OSBPL3: variants seen among roughly 807,000 people sequenced by gnomAD.
The protein encoded by OSBPL3 is oxysterol binding protein like 3.
A neutral mutation model predicts 120.1 loss-of-function variants in OSBPL3; 65 were observed. The observed-to-expected ratio is 0.54, with a 90% CI of 0.44 to 0.67. The LOEUF (loss-of-function observed/expected upper bound fraction) is 0.67, where lower values mean the gene tolerates loss of function less well. Ranked by LOEUF, OSBPL3 falls within the 30% of genes least tolerant of loss-of-function variation. OSBPL3 has a pLI of 0.00. For synonymous variants in OSBPL3, 416 were observed against 402.6 expected, an observed-to-expected ratio of 1.03 and a Z score of -0.40; for missense variants, 1,004 against 1,082.1, an observed-to-expected ratio of 0.93 and a Z score of 1.01.
rs1387374429 is a variant in OSBPL3, at chr7:24,883,186, G to T, written c.96+9191C>A. Among the ~76,000 whole-genome samples the T allele has an allele frequency of 6.6e-6, 1 of 152,182 alleles. No homozygotes were observed. Among genetic ancestry groups the T allele is most frequent in the African/African-American group, 2.4e-5 (1 of 41,438 alleles). On this transcript the variant is annotated intron_variant, in intron 2 of 22. Coordinates refer to ENST00000313367, the MANE Select transcript of OSBPL3 (RefSeq NM_015550.4). This position sits in a 1 kb window ranked among gnomAD's most constrained non-coding sequence, Gnocchi z 5.4. ...GATTCATCTGAAGTAGGAACAGAGA[G>T]GAGGTGATTTAGGGTGATGTGGGCT...
At chr7:24,962,030 C>A (rs1815803722) in intron 1 of OSBPL3, among the ~76,000 whole-genome samples, 1 of 152,142 alleles carries the variant, frequency 6.6e-6, no homozygotes, top group South Asian at 2.1e-4. Flanking sequence ...AAGAGACATT[C>A]AGTGGCTCAC....
At chr7:24,944,672 T>A (rs1373438020) in intron 1 of OSBPL3, among the ~76,000 whole-genome samples, 1 of 151,872 alleles carries the variant, frequency 6.6e-6, no homozygotes, top group East Asian at 1.9e-4. Context: ...AAAATCTCAA[T>A]AAACCAAATT....
At chr7:24,870,682 T>C (rs1388854562) in intron 5 of OSBPL3, 50 bp downstream of exon 5, 2 of 1,131,598 alleles carry the variant, frequency 1.8e-6, no homozygotes, top group Non-Finnish European at 2.7e-6. Flanking sequence ...TAATAACTGA[T>C]GATACTTCCC....
At chr7:24,887,440 A>T (rs1047611764) in intron 2 of OSBPL3, among the ~76,000 whole-genome samples, 1 of 152,264 alleles carries the variant, frequency 6.6e-6, no homozygotes, top group Non-Finnish European at 1.5e-5. Context: ...AAGTAAAAGC[A>T]GCTCATCCGT....
At chr7:24,969,115 C>T (rs756090852) in intron 1 of OSBPL3, among the ~76,000 whole-genome samples, 12 of 152,208 alleles carry the variant, frequency 7.9e-5, no homozygotes, top group Non-Finnish European at 1.2e-4. Flanking sequence ...TTTCCATCCA[C>T]GATGTATGAA....
At position 24,877,547 on chromosome 7, in the gene OSBPL3, G is replaced by A. The variant is rs1226795940; in HGVS notation, c.97-5478C>T. On this transcript the variant is annotated intron_variant, in intron 2 of 22. Transcript: ENST00000313367. This position sits in a 1 kb window ranked among gnomAD's most constrained non-coding sequence, Gnocchi z 4.8. ...TGGGTTCCGTGAGGACAGGGACTGT[G>A]TCTTATTTATTACAATCCTACTACC... 6.6e-6 allele frequency among the ~76,000 whole-genome samples: 1 copy of A among 152,118 alleles called. No individual in the cohort carries two copies.
Position 24,863,699 on chromosome 7 carries a change from G to A in OSBPL3, c.674-100C>T. On this transcript the variant is annotated intron_variant, in intron 7 of 22. Coordinates refer to ENST00000313367, the MANE Select transcript of OSBPL3 (RefSeq NM_015550.4). This position sits in a 1 kb window ranked among gnomAD's most constrained non-coding sequence, Gnocchi z 5.8. Reference sequence around the variant, plus strand: ...TACTTTTCCTTATTTATCTGTAGTTGATTTTTTTTTTCATCTGTAAGGGTT... The same window carrying A: ...TACTTTTCCTTATTTATCTGTAGTTAATTTTTTTTTTCATCTGTAAGGGTT... The A allele has an allele frequency of 3.9e-6, 3 of 771,180 alleles. No individual in the cohort carries two copies. Among genetic ancestry groups the A allele is most frequent in the South Asian group, 1.7e-5 (1 of 59,766 alleles). 47.8% of individuals were successfully genotyped at this position (771,180 alleles called of 1,614,324 possible).
Position 24,883,803 on chromosome 7 carries a change from A to G in OSBPL3, c.96+8574T>C, listed in dbSNP as rs2128315959. ...GAACAAAGAAGTCCTGACAACTCAAATATGTCATTTGAGCTGATACTTTAA... is the reference window on the plus strand; with the variant it reads ...GAACAAAGAAGTCCTGACAACTCAAGTATGTCATTTGAGCTGATACTTTAA... On this transcript the variant is annotated intron_variant, in intron 2 of 22. Coordinates refer to ENST00000313367, the MANE Select transcript of OSBPL3 (RefSeq NM_015550.4). This position sits in a 1 kb window ranked among gnomAD's most constrained non-coding sequence, Gnocchi z 5.4. Among the ~76,000 whole-genome samples the G allele has an allele frequency of 1.3e-5, 2 of 152,280 alleles. No homozygotes were observed. The highest frequency in any genetic ancestry group is 4.1e-4 in the South Asian group (2 of 4,822).
rs900684193 is a variant in OSBPL3 at position 24,863,959 on chromosome 7, T to A, written c.674-360A>T. On this transcript the variant is annotated intron_variant, in intron 7 of 22. Transcript: ENST00000313367. The surrounding 1 kb of genome is among the most constrained non-coding windows in gnomAD (Gnocchi z 5.8). ...TGATATTGCACAGTTCTTAGAAGAG[T>A]GTTTGGCACAGAGTAAGAACTAAAT... Among the ~76,000 whole-genome samples, 1 of 152,096 alleles carries A rather than the reference T, an allele frequency of 6.6e-6. No homozygotes were observed. Among genetic ancestry groups the A allele is most frequent in the Non-Finnish European group, 1.5e-5 (1 of 68,018 alleles).
Position 24,854,128 on chromosome 7 carries a change from C to T in OSBPL3, c.1028-1494G>A, listed in dbSNP as rs1403117106. On this transcript the variant is annotated intron_variant, in intron 10 of 22. Transcript: ENST00000313367. This position sits in a 1 kb window ranked among gnomAD's most constrained non-coding sequence, Gnocchi z 4.1. Reference sequence around the variant, plus strand: ...TGATCACATCATGTACAAATTACTTCCTAGGGATGAGGAAGCTGTTATCTA... The same window carrying T: ...TGATCACATCATGTACAAATTACTTTCTAGGGATGAGGAAGCTGTTATCTA... Among the ~76,000 whole-genome samples the T allele has an allele frequency of 1.3e-5, 2 of 151,890 alleles. No individual in the cohort carries two copies. The highest frequency in any genetic ancestry group is 4.8e-5 in the African/African-American group (2 of 41,336).
intron 2 of OSBPL3, among the ~76,000 whole-genome samples, chr7:24,884,985 T>C (rs79714312): frequency 0.035 from 5,320 of 152,014 alleles, 119 homozygotes; most frequent in Non-Finnish European, 0.054. Context: ...CATTATGAAA[T>C]TGAAAGAAAT....
At chr7:24,921,682 C>T (rs777142850) in intron 1 of OSBPL3, among the ~76,000 whole-genome samples, 24 of 152,190 alleles carry the variant, frequency 1.6e-4, no homozygotes, top group Non-Finnish European at 2.4e-4. Flanking sequence ...CATTGGGAAT[C>T]CCATCCTACT....
rs1472655984 is a variant in OSBPL3, at chr7:24,922,066, T to C, written c.-149-29445A>G. Among the ~76,000 whole-genome samples the C allele has an allele frequency of 6.6e-6, 1 of 152,252 alleles. No individual in the cohort carries two copies. The highest frequency in any genetic ancestry group is 1.5e-5 in the Non-Finnish European group (1 of 68,040). On this transcript the variant is annotated intron_variant, in intron 1 of 22. Transcript: ENST00000313367. The surrounding 1 kb of genome is among the most constrained non-coding windows in gnomAD (Gnocchi z 4.3). ...ACCTCAAAAACGCTTGTGGAATCTC[T>C]ATACTTCTAACATTGTTAGTATTGT...
chr7:24,891,782 C>T lies in OSBPL3; in HGVS notation c.96+595G>A, dbSNP rs1392902547. Among the ~76,000 whole-genome samples the T allele has an allele frequency of 1.3e-5, 2 of 152,120 alleles. No homozygotes were observed. The highest frequency in any genetic ancestry group is 1.3e-4 in the Admixed American group (2 of 15,278). ...ATTCCTTTGTTTCAGTTCTTTCTTC[C>T]TCCTACTTAATTTCTTTGGACCATT... On this transcript the variant is annotated intron_variant, in intron 2 of 22. Coordinates refer to ENST00000313367, the MANE Select transcript of OSBPL3 (RefSeq NM_015550.4). The surrounding 1 kb of genome is among the most constrained non-coding windows in gnomAD (Gnocchi z 4.1).
In OSBPL3 at chr7:24,861,604, C is replaced by T; in HGVS notation, c.1027+9G>A. 6.4e-7 allele frequency: 1 copy of T among 1,567,450 alleles called. No homozygotes were observed. The highest frequency in any genetic ancestry group is 8.6e-7 in the Non-Finnish European group (1 of 1,157,052). On this transcript the variant is annotated intron_variant, in intron 10 of 22. Coordinates refer to ENST00000313367, the MANE Select transcript of OSBPL3 (RefSeq NM_015550.4). ...TCAAACACATTAGGAAGAAAGAAAA[C>T]TCATTTACCTTTATGGGCAATATGA...
At position 24,953,128 on chromosome 7, in the gene OSBPL3, C is replaced by A. The variant is rs1814639167; in HGVS notation, c.-150+26758G>T. Among the ~76,000 whole-genome samples the A allele has an allele frequency of 6.6e-6, 1 of 152,174 alleles. No individual in the cohort carries two copies. Among genetic ancestry groups the A allele is most frequent in the East Asian group, 1.9e-4 (1 of 5,194 alleles). On this transcript the variant is annotated intron_variant, in intron 1 of 22. Coordinates refer to ENST00000313367, the MANE Select transcript of OSBPL3 (RefSeq NM_015550.4). The surrounding 1 kb of genome is among the most constrained non-coding windows in gnomAD (Gnocchi z 4.3). The stretch of plus-strand genomic sequence containing the variant: ...CTCCAGCCTGGACGACAGAGTGAGA[C>A]CCCGTCTCTAAAAGGTAAATAAATA...
Position 24,851,869 on chromosome 7 carries a change from T to C in OSBPL3, c.1158+635A>G, listed in dbSNP as rs557271557. ...ATGAGTGACAATGGCTGAGAATCAT[T>C]TGGGACCCTGTCAGTGATTTTCCTG... On this transcript the variant is annotated intron_variant, in intron 11 of 22. Transcript: ENST00000313367. This position sits in a 1 kb window ranked among gnomAD's most constrained non-coding sequence, Gnocchi z 4.1. 2.3e-4 allele frequency among the ~76,000 whole-genome samples: 35 copies of C among 152,304 alleles called. No homozygotes were observed. The highest frequency in any genetic ancestry group is 7.7e-4 in the African/African-American group (32 of 41,556).
At chr7:24,904,942 T>TGC (rs1163808114) in intron 1 of OSBPL3, among the ~76,000 whole-genome samples, 1 of 151,058 alleles carries the variant, frequency 6.6e-6, no homozygotes, top group African/African-American at 2.4e-5. Flanking sequence ...TGTGTGTGTG[T>TGC]GTGTGTGTGT....
rs989893005 is a variant in OSBPL3, at chr7:24,959,022, A to G, written c.-150+20864T>C. Reference sequence around the variant, plus strand: ...AGGGGATTACAGACTTCTTTTCTATAATCCATGAATTGTAAGTTTTAAACA... The same window carrying G: ...AGGGGATTACAGACTTCTTTTCTATGATCCATGAATTGTAAGTTTTAAACA... On this transcript the variant is annotated intron_variant, in intron 1 of 22. Coordinates refer to ENST00000313367, the MANE Select transcript of OSBPL3 (RefSeq NM_015550.4). This position sits in a 1 kb window ranked among gnomAD's most constrained non-coding sequence, Gnocchi z 4.3. Among the ~76,000 whole-genome samples, 4 of 152,230 alleles carry G rather than the reference A, an allele frequency of 2.6e-5. No individual in the cohort carries two copies. Among genetic ancestry groups the G allele is most frequent in the Non-Finnish European group, 4.4e-5 (3 of 68,026 alleles).
Sources: gnomAD v4.1 joint callset for allele counts (sites outside exome capture counted in the v4.1 genomes callset) on GRCh38, gnomAD v4.1.1 for gene constraint, Gnocchi (gnomAD v3.1) non-coding constraint, MANE v1.5 for transcripts, NCBI Gene and HGNC (gene_info 2026-07-23, HGNC 2026-07-21) for gene names.